Variants in GARNL3 observed in about 807,000 individuals in gnomAD.
GARNL3 encodes GTPase-activating Rap/Ran-GAP domain-like protein 3.
Under a neutral mutation model 125.0 loss-of-function variants are expected in GARNL3, and 63 were observed. That is an observed-to-expected ratio of 0.50 (90% CI 0.41 to 0.62). The LOEUF (loss-of-function observed/expected upper bound fraction) is 0.62, where lower values mean the gene tolerates loss of function less well. Among genes scored for constraint, GARNL3 ranks in the 20% least tolerant of loss-of-function variants. GARNL3 has a pLI of 0.00. For synonymous variants in GARNL3, 439 were observed against 457.5 expected (o/e 0.96, Z 0.52); for missense variants, 994 against 1,244.0 (o/e 0.80, Z 3.02).
chr9:127,383,582 A>G (rs372401798), intron 23 of GARNL3, 37 bp downstream of exon 23: 6 of 1,374,210 alleles, frequency 4.4e-6, no homozygotes, highest in South Asian at 3.6e-5. Flanking sequence ...TTTCTCCTTC[A>G]TGGATATGTC....
intron 1 of GARNL3, among the ~76,000 whole-genome samples, chr9:127,287,172 G>A (rs553148396): frequency 1.3e-5 from 2 of 152,302 alleles, no homozygotes; most frequent in African/African-American, 4.8e-5. Context: ...GTCTAGCTTT[G>A]TGTCCAGCTA....
chr9:127,255,926 T>G (rs1225661717), intron 2 of GARNL3, among the ~76,000 whole-genome samples: 2 of 152,144 alleles, frequency 1.3e-5, no homozygotes, highest in African/African-American at 4.8e-5. Context: ...TAGGCATCCC[T>G]TCAAGGTCTG....
intron 21 of GARNL3, among the ~76,000 whole-genome samples, chr9:127,359,086 C>T (rs1027441596): frequency 6.6e-5 from 10 of 151,972 alleles, no homozygotes; most frequent in South Asian, 4.1e-4. Context: ...GGAGGAATGC[C>T]GCCCACTCCC....
intron 1 of GARNL3, chr9:127,224,821 T>C (rs1204154654): frequency 6.8e-6 from 1 of 147,254 alleles, no homozygotes; most frequent in Non-Finnish European, 1.5e-5. Context: ...GGTGGGCGTT[T>C]TGGGCCTGTG....
At chr9:127,278,710 A>G (rs1421595597) in intron 1 of GARNL3, among the ~76,000 whole-genome samples, 1 of 152,158 alleles carries the variant, frequency 6.6e-6, no homozygotes, top group Non-Finnish European at 1.5e-5. Context: ...ACAGAATTCT[A>G]TTCTCTTACA....
intron 1 of GARNL3, among the ~76,000 whole-genome samples, chr9:127,289,780 T>C (rs1267894790): frequency 2.0e-5 from 3 of 152,250 alleles, no homozygotes; most frequent in African/African-American, 7.2e-5. Flanking sequence ...AGACCTCTGT[T>C]TGGACAAGTT....
intron 2 of GARNL3, among the ~76,000 whole-genome samples, chr9:127,297,045 C>A (rs2779723): frequency 0.82 from 124,926 of 152,128 alleles, 51,934 homozygotes; most frequent in African/African-American, 0.95. Flanking sequence ...TTATACCACA[C>A]CCCTAAAGCA....
intron 2 of GARNL3, among the ~76,000 whole-genome samples, chr9:127,248,603 T>C (rs2063344165): frequency 7.7e-6 from 1 of 129,656 alleles, no homozygotes; most frequent in African/African-American, 3.1e-5. Flanking sequence ...TTTCTTTTTT[T>C]TTTTTTTTTT....
intron 1 of GARNL3, among the ~76,000 whole-genome samples, chr9:127,225,832 T>C (rs2131113825): frequency 3.9e-5 from 1 of 25,688 alleles, no homozygotes; most frequent in South Asian, 1.5e-3. Flanking sequence ...CTTGCGCCCC[T>C]CGCGCCCCTT....
chr9:127,314,817 G>A (rs1309032704), intron 4 of GARNL3, among the ~76,000 whole-genome samples: 1 of 152,176 alleles, frequency 6.6e-6, no homozygotes, highest in African/African-American at 2.4e-5. Flanking sequence ...GAATGACAGA[G>A]CATGCTACAG....
intron 12 of GARNL3, among the ~76,000 whole-genome samples, chr9:127,338,618 G>A (rs949728013): frequency 1.3e-5 from 2 of 152,244 alleles, no homozygotes; most frequent in Non-Finnish European, 2.9e-5. Context: ...GGCCTTCTGT[G>A]TAGAGTGAAG....
Position 127,236,441 on chromosome 9 carries a change from T to C in GARNL3, c.-28-6638T>C, listed in dbSNP as rs114754358. Among the ~76,000 whole-genome samples, 647 of 152,296 alleles carry C rather than the reference T, an allele frequency of 4.2e-3. 7 individuals carry two copies. The highest frequency in any genetic ancestry group is 0.015 in the African/African-American group (621 of 41,558). ...CAGTGACCTCAGAAGTATTCTCAAT[T>C]AGTGTGCTGTTAGAAATAGGGTCTC... On this transcript the variant is annotated intron_variant, in intron 1 of 10. Coordinates refer to the GARNL3 transcript ENST00000439286.
chr9:127,321,481 T>G (rs1168533671), intron 6 of GARNL3, among the ~76,000 whole-genome samples: 2 of 152,216 alleles, frequency 1.3e-5, no homozygotes, highest in African/African-American at 4.8e-5. Flanking sequence ...GAGCTCTTAC[T>G]CATGTAGTAG....
At chr9:127,264,076 T>G (rs2063649810), upstream of GARNL3, 3 of 898,922 alleles carry the variant, frequency 3.3e-6, no homozygotes, top group Non-Finnish European at 5.0e-6. Flanking sequence ...CTATATAATT[T>G]TATTTTCTAT....
chr9:127,286,743 A>T (rs1013165850), intron 1 of GARNL3, among the ~76,000 whole-genome samples: 1 of 152,220 alleles, frequency 6.6e-6, no homozygotes, highest in Non-Finnish European at 1.5e-5. Flanking sequence ...TTTTTGTAGT[A>T]AATCTGTCTT....
intron 2 of GARNL3, 89 bp downstream of exon 2, chr9:127,291,331 A>T: frequency 2.6e-6 from 3 of 1,153,846 alleles, no homozygotes; most frequent in Non-Finnish European, 3.9e-6. Flanking sequence ...TGGAAGAGGT[A>T]AATAGAGCTT....
chr9:127,231,050 ATTTT>A lies in GARNL3; in HGVS notation c.-29+6731_-29+6734del, dbSNP rs71308298. On this transcript the variant is annotated intron_variant, in intron 1 of 10. Coordinates refer to the GARNL3 transcript ENST00000439286. ...TGTATATATACATATATATATATAT[ATTTT>A]TTTTTTTTTTTTTTTTTTGAGACAG... 1.2e-4 allele frequency among the ~76,000 whole-genome samples: 11 copies of A among 89,546 alleles called. No individual in the cohort carries two copies. In the East Asian group the frequency reaches 1.4e-3, roughly 12 times the overall value. 58.7% of individuals were successfully genotyped at this position (89,546 alleles called of 152,430 possible).
In GARNL3 at chr9:127,287,060, C is replaced by G. The variant is rs147421880; in HGVS notation, c.145-4108C>G. 2.8e-4 allele frequency among the ~76,000 whole-genome samples: 43 copies of G among 152,200 alleles called. 1 individual carries two copies. In the South Asian group the frequency reaches 3.1e-3, roughly 11 times the overall value. On this transcript the variant is annotated intron_variant, in intron 1 of 27. Coordinates refer to ENST00000373387, the MANE Select transcript of GARNL3 (RefSeq NM_032293.5). ...AAAAAGTGCATGGAAGAGGTACCTC[C>G]CCTCTCCTAAAGGGCCTGGGTCCAT... is the stretch of plus-strand genomic sequence containing the variant.
At chr9:127,361,142 T>G (rs531647242) in intron 21 of GARNL3, among the ~76,000 whole-genome samples, 1 of 152,352 alleles carries the variant, frequency 6.6e-6, no homozygotes, top group Non-Finnish European at 1.5e-5. Flanking sequence ...CAGAGCCAGC[T>G]AGGAGAGGTA....
Sources: allele counts gnomAD v4.1 joint callset (sites outside exome capture counted in the v4.1 genomes callset), GRCh38; gene constraint gnomAD v4.1.1; transcripts MANE v1.5; gene names NCBI Gene and HGNC (gene_info 2026-07-23, HGNC 2026-07-21).